CNTNAP4: variants seen among roughly 807,000 people sequenced by gnomAD.
The protein encoded by CNTNAP4 is contactin associated protein family member 4.
A neutral mutation model predicts 148.4 loss-of-function variants in CNTNAP4; 98 were observed. That is an observed-to-expected ratio of 0.66 (90% CI 0.56 to 0.78). The LOEUF is 0.78. CNTNAP4 is among the 30% of genes least tolerant of loss of function. The probability of loss-of-function intolerance (pLI) is 0.00; values close to 1 mark genes in which losing one functional copy is unlikely to be tolerated. For synonymous variants in CNTNAP4, 730 were observed against 565.1 expected (o/e 1.29, Z -4.14); for missense variants, 1,935 against 1,565.6 (o/e 1.24, Z -3.98).
chr16:76,450,978 C>A (rs1025224609), intron 7 of CNTNAP4, among the ~76,000 whole-genome samples: 4 of 152,208 alleles, frequency 2.6e-5, no homozygotes. Flanking sequence ...AACTTACAGA[C>A]ATTTTCAGCC....
chr16:76,512,644 G>A (rs2083072389), intron 15 of CNTNAP4, among the ~76,000 whole-genome samples: 1 of 152,152 alleles, frequency 6.6e-6, no homozygotes, highest in Non-Finnish European at 1.5e-5. Flanking sequence ...GAGATGTGGA[G>A]TTGTCAGTTT....
At position 76,449,946 on chromosome 16, in the gene CNTNAP4, A is replaced by C. The variant is rs957378151; in HGVS notation, c.1071+88A>C. On this transcript the variant is annotated intron_variant, in intron 7 of 23. Coordinates refer to ENST00000611870, the MANE Select transcript of CNTNAP4 (RefSeq NM_033401.5). Reference sequence around the variant, plus strand: ...CCTCCATTTTAGGTTCCCATTTGACATGGGGTTTTAGAGGTACTCTTATTT... The same window carrying C: ...CCTCCATTTTAGGTTCCCATTTGACCTGGGGTTTTAGAGGTACTCTTATTT... The C allele has an allele frequency of 5.1e-6, 6 of 1,187,082 alleles. No homozygotes were observed. The Admixed American group carries it at 1.5e-4, about 29-fold the overall frequency. 73.5% of individuals were successfully genotyped at this position (1,187,082 alleles called of 1,614,324 possible). A position where few individuals can be genotyped will look rare whatever the true frequency, so the allele number is the denominator to read the frequency against.
chr16:76,514,459 T>C (rs2083162436), intron 15 of CNTNAP4, among the ~76,000 whole-genome samples: 1 of 152,238 alleles, frequency 6.6e-6, no homozygotes, highest in South Asian at 2.1e-4. Context: ...TGAAAAGAAA[T>C]ATCTTCTTCA....
intron 4 of CNTNAP4, among the ~76,000 whole-genome samples, chr16:76,438,181 TAGA>T (rs1040859446): frequency 1.2e-4 from 18 of 152,204 alleles, no homozygotes; most frequent in African/African-American, 4.3e-4. Flanking sequence ...AGGGAATATT[TAGA>T]AGAAGATCAG....
intron 2 of CNTNAP4, among the ~76,000 whole-genome samples, chr16:76,331,080 C>T (rs1199528726): frequency 6.6e-6 from 1 of 151,028 alleles, no homozygotes; most frequent in African/African-American, 2.4e-5. Context: ...TGTGAAATCA[C>T]TATATTCATC....
chr16:76,324,993 G>A (rs556981986), intron 2 of CNTNAP4, among the ~76,000 whole-genome samples: 1 of 152,242 alleles, frequency 6.6e-6, no homozygotes, highest in East Asian at 1.9e-4. Context: ...CCAGAAACTA[G>A]TAAACTAACT....
At chr16:76,523,999 A>T (rs1399993750) in intron 17 of CNTNAP4, among the ~76,000 whole-genome samples, 1 of 152,146 alleles carries the variant, frequency 6.6e-6, no homozygotes, top group Non-Finnish European at 1.5e-5. Flanking sequence ...ATTTGATCAG[A>T]TCCCCATTAC....
chr16:76,483,604 G>A (rs1568355551), intron 12 of CNTNAP4, among the ~76,000 whole-genome samples: 1 of 152,148 alleles, frequency 6.6e-6, no homozygotes, highest in Non-Finnish European at 1.5e-5. Flanking sequence ...GTGCTTAGGA[G>A]CACTCGACAA....
rs1231019567 is a variant in CNTNAP4, at chr16:76,452,645, G to T, written c.1209G>T (p.Lys403Asn). ...CTTTTCAATTTCGAACTTGGAATAAGGCAGGGCTTCTGCTGTTCAGTGAAC... is the reference window on the plus strand; with the variant it reads ...CTTTTCAATTTCGAACTTGGAATAATGCAGGGCTTCTGCTGTTCAGTGAAC... The part of the protein sequence containing the change: ...SATFQFRTWN[K>N]AGLLLFSELQ... The change falls in exon 8 of 24, where the codon AAG becomes AAT. Residue 403 changes from lysine (K) to asparagine (N), a missense_variant. By Grantham distance (94) the Lys-to-Asn change is moderately conservative (BLOSUM62 0). Transcript: ENST00000611870. 6.2e-7 allele frequency: 1 copy of T among 1,613,850 alleles called. No homozygotes were observed. The highest frequency in any genetic ancestry group is 1.3e-5 in the African/African-American group (1 of 74,926).
At chr16:76,501,330 G>C (rs1242337557) in intron 15 of CNTNAP4, among the ~76,000 whole-genome samples, 1 of 152,190 alleles carries the variant, frequency 6.6e-6, no homozygotes, top group African/African-American at 2.4e-5. Context: ...TTCTTGCTCT[G>C]ATCTTAACCC....
chr16:76,472,520 T>C (rs537619238), intron 10 of CNTNAP4, among the ~76,000 whole-genome samples: 1 of 150,658 alleles, frequency 6.6e-6, no homozygotes, highest in East Asian at 1.9e-4. Context: ...TGGTTTTACG[T>C]TCCTGCATTA....
chr16:76,336,324 G>A (rs1283700805), intron 2 of CNTNAP4, among the ~76,000 whole-genome samples: 2 of 152,112 alleles, frequency 1.3e-5, no homozygotes, highest in African/African-American at 4.8e-5. Flanking sequence ...CTGGCTTGTG[G>A]GAGCCTACTG....
At chr16:76,281,133 G>A (rs1233350335) in intron 1 of CNTNAP4, among the ~76,000 whole-genome samples, 2 of 152,104 alleles carry the variant, frequency 1.3e-5, no homozygotes, top group African/African-American at 4.8e-5. Flanking sequence ...TGCCTAAGTA[G>A]ATGATCACTC....
At chr16:76,494,044 C>T (rs2082317579) in intron 13 of CNTNAP4, among the ~76,000 whole-genome samples, 1 of 151,326 alleles carries the variant, frequency 6.6e-6, no homozygotes, top group Non-Finnish European at 1.5e-5. Flanking sequence ...ACATTCTTCT[C>T]ATGCCCTGAT....
intron 22 of CNTNAP4, 149 bp downstream of exon 22, chr16:76,553,650 C>G: frequency 2.9e-6 from 2 of 681,764 alleles, no homozygotes; most frequent in Non-Finnish European, 5.0e-6. Context: ...CTTCCCATAT[C>G]TTTTCTAGGT....
rs1036140255 is a variant in CNTNAP4, at chr16:76,289,606, T to A, written c.85+11859T>A. The stretch of plus-strand genomic sequence containing the variant: ...GTTTTTTTTTGAGACAGAGTCTTGC[T>A]CTGTCTCCCAGGCTGGATTGCAGTG... On this transcript the variant is annotated intron_variant, in intron 1 of 23. Transcript: ENST00000611870. Among the ~76,000 whole-genome samples the A allele has an allele frequency of 2.8e-4, 42 of 151,626 alleles. 1 individual carries two copies. Among genetic ancestry groups the A allele is most frequent in the Non-Finnish European group, 5.9e-5 (4 of 67,936 alleles).
At chr16:76,497,336 TA>T (rs2082432784) in intron 14 of CNTNAP4, among the ~76,000 whole-genome samples, 1 of 152,136 alleles carries the variant, frequency 6.6e-6, no homozygotes, top group Non-Finnish European at 1.5e-5. Flanking sequence ...ACATAATGTC[TA>T]AATAGACTGT....
intron 7 of CNTNAP4, among the ~76,000 whole-genome samples, chr16:76,451,030 T>A (rs2080450812): frequency 6.6e-6 from 1 of 152,152 alleles, no homozygotes; most frequent in Admixed American, 6.6e-5. Context: ...TGCCTGTGGG[T>A]AGCCACCACC....
At chr16:76,439,679 T>G (rs1460044531) in intron 4 of CNTNAP4, among the ~76,000 whole-genome samples, 1 of 152,178 alleles carries the variant, frequency 6.6e-6, no homozygotes, top group Non-Finnish European at 1.5e-5. Flanking sequence ...GGTGTGTTGT[T>G]ACTGACCTTA....
Sources: gnomAD v4.1 joint callset for allele counts (sites outside exome capture counted in the v4.1 genomes callset) on GRCh38, gnomAD v4.1.1 for gene constraint, MANE v1.5 for transcripts, NCBI Gene and HGNC (gene_info 2026-07-23, HGNC 2026-07-21) for gene names.